Variants in ABCF3 observed in about 807,000 individuals in gnomAD.
ABCF3 encodes ATP binding cassette subfamily F member 3.
Under a neutral mutation model 94.3 loss-of-function variants are expected in ABCF3, and 62 were observed. The observed-to-expected ratio is 0.66, with a 90% CI of 0.54 to 0.81. The LOEUF is 0.81. Among genes scored for constraint, ABCF3 ranks in the 40% least tolerant of loss-of-function variants. The probability of loss-of-function intolerance (pLI) is 0.00; values close to 1 mark genes in which losing one functional copy is unlikely to be tolerated. For synonymous variants in ABCF3, 355 were observed against 361.1 expected (o/e 0.98, Z 0.19); for missense variants, 843 against 925.3 (o/e 0.91, Z 1.15).
Position 184,192,996 on chromosome 3 carries a change from C to T in ABCF3, c.1750+100C>T, listed in dbSNP as rs1037112136. On this transcript the variant is annotated intron_variant, in intron 18 of 20. Transcript: ENST00000429586. ...TGCCTTGGGGTGCGTGCAGAGCAGCCCCGCCAAGCCTAGATGGAAGGACAT... is the reference window on the plus strand; with the variant it reads ...TGCCTTGGGGTGCGTGCAGAGCAGCTCCGCCAAGCCTAGATGGAAGGACAT... The T allele has an allele frequency of 3.7e-5, 58 of 1,563,338 alleles. No homozygotes were observed. The Middle Eastern group carries it at 1.3e-3, about 36-fold the overall frequency.
At chr3:184,190,434 T>C (rs1715947718) in intron 14 of ABCF3, 1 of 174,010 alleles carries the variant, frequency 5.7e-6, no homozygotes, top group Non-Finnish European at 1.2e-5. Context: ...TGTTTTCAGC[T>C]TGCTTGGGTG....
rs776826785 is a variant in ABCF3, at chr3:184,188,274, T to A, written c.703T>A (p.Ser235Thr). ...TRSLRVPAHISLLHVEQEVAG... is the reference protein window; with the variant it reads ...TRSLRVPAHITLLHVEQEVAG... The stretch of plus-strand genomic sequence containing the variant: ...GAGTCTGCGGGTTCCAGCCCACATT[T>A]CCCTGCTGCACGTTGAGCAAGAGGT... Residue 235 changes from serine to threonine, a missense_variant, in exon 7 of 21, where the codon TCC becomes ACC. Ser to Thr is a moderately conservative substitution (Grantham distance 58). Transcript: ENST00000429586. The A allele has an allele frequency of 6.2e-7, 1 of 1,614,144 alleles. No individual in the cohort carries two copies. The highest frequency in any genetic ancestry group is 1.1e-5 in the South Asian group (1 of 91,086).
intron 12 of ABCF3, 45 bp from the exon 13 acceptor site, chr3:184,189,512 C>A (rs373230884): frequency 6.2e-7 from 1 of 1,613,904 alleles, no homozygotes; most frequent in Non-Finnish European, 8.5e-7. Flanking sequence ...GGCCTGAGAA[C>A]TGACTGCCCT....
In ABCF3 at chr3:184,188,147, G is replaced by C. The variant is rs759226975; in HGVS notation, c.576G>C (p.Leu192=). Residue 192 remains leucine, a synonymous_variant, in exon 7 of 21, where the codon CTG becomes CTC. Coordinates refer to ENST00000429586, the MANE Select transcript of ABCF3 (RefSeq NM_018358.3). The stretch of plus-strand genomic sequence containing the variant: ...CCTTTCTCCACTCCTGCAGAGTACT[G>C]CTGGCTGGAGCGGATGTGAACCTGG... ...NFDVSFGDRV[L]LAGADVNLAW... 6 of 1,613,752 alleles carry C rather than the reference G, an allele frequency of 3.7e-6. No individual in the cohort carries two copies. The highest frequency in any genetic ancestry group is 5.1e-6 in the Non-Finnish European group (6 of 1,179,852).
At chr3:184,189,221 C>T in intron 10 of ABCF3, 34 bp from the exon 11 acceptor site, 1 of 1,614,154 alleles carries the variant, frequency 6.2e-7, no homozygotes. Flanking sequence ...GAGTTGCTGA[C>T]CTAAAACCTC....
intron 15 of ABCF3, 30 bp downstream of exon 15, chr3:184,191,073 G>T (rs1357876106): frequency 1.9e-6 from 3 of 1,614,106 alleles, no homozygotes; most frequent in Non-Finnish European, 2.5e-6. Context: ...GGCTGGTGGG[G>T]AATTGCTTGC....
chr3:184,192,893 C>A lies in ABCF3; in HGVS notation c.1747C>A (p.Pro583Thr). The change falls in exon 18 of 21, where the codon CCT (proline) becomes ACT (threonine). Residue 583 changes from proline to threonine, a missense_variant. Physicochemically the swap from Pro to Thr is conservative, Grantham distance 38. Coordinates refer to ENST00000429586, the MANE Select transcript of ABCF3 (RefSeq NM_018358.3). ...SAVELLARKF[P>T]GRPEEEYRHQ... ...TGTGGAACTGCTGGCACGCAAGTTT[C>A]CTGGTGAGTTAGGGATTTGAGTCGG... 1.9e-6 allele frequency: 3 copies of A among 1,614,002 alleles called. No individual in the cohort carries two copies. The highest frequency in any genetic ancestry group is 2.5e-6 in the Non-Finnish European group (3 of 1,179,980).
At position 184,190,455 on chromosome 3, in the gene ABCF3, C is replaced by T. The variant is rs530764717; in HGVS notation, c.1391+524C>T. The T allele has an allele frequency of 1.6e-4, 27 of 166,898 alleles. No homozygotes were observed. In the East Asian group the frequency reaches 3.4e-3, roughly 21 times the overall value. The allele number at this position is 166,898 out of a possible 1,614,324, so 10.3% of individuals were successfully genotyped here. ...CAGCTTGCTTGGGTGTATACCTAGG[C>T]GCAGAATTGCTGGGTTACCTGGTAA... On this transcript the variant is annotated intron_variant, in intron 14 of 20. Coordinates refer to ENST00000429586, the MANE Select transcript of ABCF3 (RefSeq NM_018358.3).
intron 14 of ABCF3, 178 bp from the exon 15 acceptor site, chr3:184,190,821 A>C (rs1156629081): frequency 4.1e-6 from 3 of 732,050 alleles, no homozygotes; most frequent in Non-Finnish European, 4.3e-6. Flanking sequence ...ATAAAAAGTC[A>C]CAAAAAGCCT....
intron 6 of ABCF3, 24 bp downstream of exon 6, chr3:184,188,007 G>A: frequency 6.2e-7 from 1 of 1,613,730 alleles, no homozygotes; most frequent in Non-Finnish European, 8.5e-7. Context: ...GGTGGCAGGG[G>A]TTGGCTTTCT....
At chr3:184,191,337 T>C (rs895705000) in intron 16 of ABCF3, 82 bp downstream of exon 16, 1 of 1,594,714 alleles carries the variant, frequency 6.3e-7, no homozygotes, top group African/African-American at 1.3e-5. Context: ...ATCCTCAGGC[T>C]GTAAAGGGAC....
In ABCF3 at chr3:184,191,617, A is replaced by G. The variant is rs561835120; in HGVS notation, c.1569+362A>G. ...CCATTTCCTAGCTTGGTTACCAAGC[A>G]GCTTCCTAACTCTTAAGATGGCGCT... On this transcript the variant is annotated intron_variant, in intron 16 of 20. Coordinates refer to ENST00000429586, the MANE Select transcript of ABCF3 (RefSeq NM_018358.3). 2.0e-5 allele frequency among the ~76,000 whole-genome samples: 3 copies of G among 152,310 alleles called. No individual in the cohort carries two copies. In the South Asian group the frequency reaches 6.2e-4, roughly 32 times the overall value.
chr3:184,188,702 G>T, intron 7 of ABCF3, 59 bp from the exon 8 acceptor site: 4 of 1,549,060 alleles, frequency 2.6e-6, no homozygotes, highest in Admixed American at 1.7e-5. Flanking sequence ...GGTATAGGGT[G>T]CAGGACATCC....
rs1176454827 is a variant in ABCF3 at position 184,187,179 on chromosome 3, T to A, written c.302-218T>A. The A allele has an allele frequency of 1.4e-5, 9 of 664,930 alleles. No individual in the cohort carries two copies. In the Admixed American group the frequency reaches 2.3e-4, roughly 17 times the overall value. 41.2% of individuals were successfully genotyped at this position (664,930 alleles called of 1,614,324 possible). ...TGATCTTGTAAGAGTTGGTTATCTG[T>A]CCCCAGCCTTGTCTATGCCTCTGTA... On this transcript the variant is annotated intron_variant, in intron 3 of 20. Transcript: ENST00000429586.
intron 1 of ABCF3, 62 bp downstream of exon 1, chr3:184,186,342 C>T: frequency 6.2e-7 from 1 of 1,608,144 alleles, no homozygotes; most frequent in East Asian, 2.2e-5. Flanking sequence ...AAAGTCTAAG[C>T]GAGCGTCGTG....
chr3:184,191,282 G>T, intron 16 of ABCF3, 27 bp downstream of exon 16: 1 of 1,612,814 alleles, frequency 6.2e-7, no homozygotes. Flanking sequence ...TCTGTGCTGC[G>T]AGCTGGGACT....
rs1302366838 is a variant in ABCF3, at chr3:184,189,839, A to G, written c.1315-16A>G. The G allele has an allele frequency of 1.2e-6, 2 of 1,613,528 alleles. No homozygotes were observed. Among genetic ancestry groups the G allele is most frequent in the African/African-American group, 1.3e-5 (1 of 74,738 alleles). ...GTGGGGGAATTTGACCAATGCCTAC[A>G]CTCCTCCACCTGCAGGTTTTCATTG... is the stretch of plus-strand genomic sequence containing the variant. On this transcript the variant is annotated splice_polypyrimidine_tract_variant and intron_variant, in intron 13 of 20. Transcript: ENST00000429586.
rs754276906 is a variant in ABCF3, at chr3:184,186,843, CT to C, written c.270del (p.Ile91SerfsTer6). On this transcript the variant is annotated frameshift_variant, in exon 3 of 21. Coordinates refer to ENST00000429586, the MANE Select transcript of ABCF3 (RefSeq NM_018358.3). LOFTEE classifies it high-confidence loss of function. ...QGNSQVLLDA[P>X]IQLSKITENY... ...AATAGCCAGGTGCTACTGGACGCCCCTATCCAGTTGTCAAAGATAACGGAGA... is the reference window on the plus strand; with the variant it reads ...AATAGCCAGGTGCTACTGGACGCCCCATCCAGTTGTCAAAGATAACGGAGA... 16 of 1,613,816 alleles carry C rather than the reference CT, an allele frequency of 9.9e-6. No homozygotes were observed. Among genetic ancestry groups the C allele is most frequent in the Non-Finnish European group, 1.4e-5 (16 of 1,179,950 alleles).
rs148624121 is a variant in ABCF3, at chr3:184,190,670, G to C, written c.1392-329G>C. 40 of 242,114 alleles carry C rather than the reference G, an allele frequency of 1.7e-4. No homozygotes were observed. The South Asian group carries it at 2.0e-3, about 12-fold the overall frequency. The allele number at this position is 242,114 out of a possible 1,614,324, so 15.0% of individuals were successfully genotyped here. ...TGATAGCTCATTGTGGTTTTGATTT[G>C]CATTGCCTTAATAACTAATGATAAT... is the stretch of plus-strand genomic sequence containing the variant. On this transcript the variant is annotated intron_variant, in intron 14 of 20. Transcript: ENST00000429586.
Sources: allele counts gnomAD v4.1 joint callset (sites outside exome capture counted in the v4.1 genomes callset), GRCh38; gene constraint gnomAD v4.1.1; transcripts MANE v1.5; gene names NCBI Gene and HGNC (gene_info 2026-07-23, HGNC 2026-07-21).